CYRIB: variants seen among roughly 807,000 people sequenced by gnomAD.
The protein encoded by CYRIB is CYFIP-related Rac1 interactor B.
A neutral mutation model predicts 44.2 loss-of-function variants in CYRIB; 8 were observed. The ratio of observed to expected loss-of-function variants is 0.18; its 90% CI spans 0.11 to 0.33. The LOEUF is 0.33. Among genes scored for constraint, CYRIB ranks in the 10% least tolerant of loss-of-function variants. The pLI, the probability that CYRIB is intolerant of heterozygous loss-of-function variation, is 1.00. For synonymous variants in CYRIB, 131 were observed against 127.2 expected, an observed-to-expected ratio of 1.03 and a Z score of -0.20; for missense variants, 185 against 382.8, an observed-to-expected ratio of 0.48 and a Z score of 4.31.
chr8:129,949,357 AT>A (rs2131257871), intron 2 of CYRIB: 1 of 152,310 alleles, frequency 6.6e-6, no homozygotes, highest in East Asian at 1.9e-4. Context: ...TATGAAAGAT[AT>A]TTTATTACTT....
At position 130,001,519 on chromosome 8, in the gene CYRIB, T is replaced by C. The variant is rs908260752; in HGVS notation, c.-296+14851A>G. Among the ~76,000 whole-genome samples, 12 of 148,618 alleles carry C rather than the reference T, an allele frequency of 8.1e-5. No homozygotes were observed. In the South Asian group the frequency reaches 2.3e-3, roughly 29 times the overall value. On this transcript the variant is annotated intron_variant, in intron 1 of 14. Coordinates refer to the CYRIB transcript ENST00000401979. ...CATTCATCTTACCTTTCCCTGAAAA[T>C]AATTTCTTTTTTTTTTTTTTTTTTT...
upstream of CYRIB, among the ~76,000 whole-genome samples, chr8:129,942,706 G>A (rs78954249): frequency 0.015 from 2,215 of 152,246 alleles, 54 homozygotes; most frequent in African/African-American, 0.05. Context: ...TACGCATTGT[G>A]GCTAGCTGTA....
chr8:129,882,847 T>G (rs1014421452), intron 2 of CYRIB, among the ~76,000 whole-genome samples: 2 of 152,108 alleles, frequency 1.3e-5, no homozygotes, highest in Non-Finnish European at 2.9e-5. Context: ...CTATTTGCTC[T>G]CATAAGGATT....
intron 1 of CYRIB, among the ~76,000 whole-genome samples, chr8:129,936,704 CTTTTTT>C (rs397893033): frequency 1.2e-4 from 14 of 118,238 alleles, no homozygotes; most frequent in East Asian, 5.1e-4. Context: ...ATATAGCAGT[CTTTTTT>C]TTTTTTTTTT....
intron 1 of CYRIB, among the ~76,000 whole-genome samples, chr8:130,006,605 T>TATATATATATAC (rs374570395): frequency 4.2e-3 from 99 of 23,314 alleles, no homozygotes; most frequent in African/African-American, 8.1e-3. Context: ...TATATATATA[T>TATATATATATAC]ACATATATAT....
chr8:129,850,486 G>C, intron 9 of CYRIB: 1 of 200,548 alleles, frequency 5.0e-6, no homozygotes, highest in Non-Finnish European at 1.0e-5. Context: ...TATGGAAAAA[G>C]AACATTTATG....
rs190375151 is a variant in CYRIB at position 129,851,733 on chromosome 8, G to A, written c.633+429C>T. On this transcript the variant is annotated intron_variant, in intron 8 of 11. Transcript: ENST00000519824. The stretch of plus-strand genomic sequence containing the variant: ...TGAGGCAGGAGAATCGCTTGAACCC[G>A]GGAGGCGGAGTTTGTGGTGAGCTGA... 605 of 153,048 alleles carry A rather than the reference G, an allele frequency of 4.0e-3. 6 individuals are homozygous for A. The highest frequency in any genetic ancestry group is 0.014 in the African/African-American group (579 of 41,554). 9.5% of individuals were successfully genotyped at this position (153,048 alleles called of 1,614,324 possible).
chr8:129,966,214 A>G (rs2095473629), intron 2 of CYRIB, among the ~76,000 whole-genome samples: 1 of 152,216 alleles, frequency 6.6e-6, no homozygotes, highest in South Asian at 2.1e-4. Context: ...ATTACTAGCA[A>G]TGCTGCAATG....
At chr8:129,866,585 A>G (rs1324548090) in intron 4 of CYRIB, among the ~76,000 whole-genome samples, 1 of 152,234 alleles carries the variant, frequency 6.6e-6, no homozygotes, top group Non-Finnish European at 1.5e-5. Context: ...TAAACTAAAA[A>G]CAGTAACAAC....
chr8:129,873,441 A>C (rs1157777574), intron 3 of CYRIB, among the ~76,000 whole-genome samples: 1 of 152,018 alleles, frequency 6.6e-6, no homozygotes, highest in Non-Finnish European at 1.5e-5. Context: ...ACTCTTTTTA[A>C]AAAAGCACAC....
At chr8:129,955,058 A>G (rs769531864) in intron 2 of CYRIB, among the ~76,000 whole-genome samples, 2 of 152,138 alleles carry the variant, frequency 1.3e-5, no homozygotes, top group Admixed American at 6.5e-5. Flanking sequence ...GTTTGAAACT[A>G]GCCTGGCCAA....
intron 1 of CYRIB, among the ~76,000 whole-genome samples, chr8:129,997,134 G>GAGGAGGAGGAGGAGA (rs1260112551): frequency 6.6e-6 from 1 of 150,928 alleles, no homozygotes; most frequent in African/African-American, 2.5e-5. Flanking sequence ...GGAGGAGGAG[G>GAGGAGGAGGAGGAGA]AGGAGGGAGG....
At chr8:129,865,460 G>A (rs1160588698) in intron 4 of CYRIB, among the ~76,000 whole-genome samples, 46 of 152,122 alleles carry the variant, frequency 3.0e-4, no homozygotes, top group Non-Finnish European at 4.4e-5. Flanking sequence ...ACCCTATGTC[G>A]TGATCATACG....
intron 1 of CYRIB, among the ~76,000 whole-genome samples, chr8:129,924,109 CAA>C (rs3076956): frequency 0.41 from 47,665 of 116,016 alleles, 10,603 homozygotes; most frequent in East Asian, 0.56. Context: ...ATCTCCACCC[CAA>C]AAAAAAAAAA....
At chr8:129,894,941 A>T (rs1179351731) in intron 2 of CYRIB, among the ~76,000 whole-genome samples, 3 of 148,516 alleles carry the variant, frequency 2.0e-5, no homozygotes, top group African/African-American at 5.0e-5. Context: ...TTTTTTAATT[A>T]ATTTATTTTT....
At chr8:129,953,971 T>C (rs541771643) in intron 2 of CYRIB, among the ~76,000 whole-genome samples, 1 of 152,110 alleles carries the variant, frequency 6.6e-6, no homozygotes, top group Non-Finnish European at 1.5e-5. Flanking sequence ...AAAGGAAAGA[T>C]ATTGCATAAA....
At chr8:129,841,332 A>G (rs1266930190) in exon 12 of CYRIB, 1 of 152,294 alleles carries the variant, frequency 6.6e-6, no homozygotes, top group African/African-American at 2.4e-5. Context: ...ATAGACAATG[A>G]TCAAAATTCT....
chr8:129,877,119 C>A (rs368055570), intron 3 of CYRIB, among the ~76,000 whole-genome samples: 4 of 151,978 alleles, frequency 2.6e-5, no homozygotes, highest in African/African-American at 9.7e-5. Flanking sequence ...AATCAAAAGA[C>A]AATGTATCTA....
chr8:129,855,504 C>G, intron 6 of CYRIB, 107 bp downstream of exon 8: 1 of 1,212,994 alleles, frequency 8.2e-7, no homozygotes, highest in East Asian at 2.4e-5. Context: ...TAAGGTCTAG[C>G]AGACATCATT....
Sources: allele counts gnomAD v4.1 joint callset (sites outside exome capture counted in the v4.1 genomes callset), GRCh38; gene constraint gnomAD v4.1.1; transcripts MANE v1.5; gene names NCBI Gene and HGNC (gene_info 2026-07-23, HGNC 2026-07-21).